The following MYRIP variants were observed in gnomAD, a reference collection of about 807,000 sequenced individuals.
The protein encoded by MYRIP is rab effector MyRIP.
A neutral mutation model predicts 98.0 loss-of-function variants in MYRIP; 49 were observed. The observed-to-expected ratio is 0.50, with a 90% CI of 0.40 to 0.63. The LOEUF (loss-of-function observed/expected upper bound fraction) is 0.63. MYRIP is among the 30% of genes least tolerant of loss of function. The pLI, the probability that MYRIP is intolerant of heterozygous loss-of-function variation, is 0.00. For missense variants in MYRIP, 1,004 were observed against 1,058.2 expected, an observed-to-expected ratio of 0.95 and a Z score of 0.71; for synonymous variants, 404 against 409.5, an observed-to-expected ratio of 0.99 and a Z score of 0.16.
intron 2 of MYRIP, among the ~76,000 whole-genome samples, chr3:39,937,710 G>C (rs2125706202): frequency 6.6e-6 from 1 of 152,290 alleles, no homozygotes; most frequent in East Asian, 1.9e-4. Context: ...CTAATGACAG[G>C]TTAACTGCTA....
At position 40,218,605 on chromosome 3, in the gene MYRIP, ATATATTT is replaced by A. The variant is rs1350344344; in HGVS notation, c.1905+8518_1905+8524del. Among the ~76,000 whole-genome samples the A allele has an allele frequency of 0.019, 69 of 3,562 alleles. 1 individual carries two copies. In the South Asian group the frequency reaches 0.31, roughly 16 times the overall value. The allele number at this position is 3,562 out of a possible 152,430, so 2.3% of individuals were successfully genotyped here. ...TACACACACACACACACACATATAT[ATATATTT>A]TATATATATATATATATATATATAT... is the stretch of plus-strand genomic sequence containing the variant. On this transcript the variant is annotated intron_variant, in intron 11 of 16. Transcript: ENST00000302541.
At chr3:39,921,978 A>G (rs1575381445) in intron 2 of MYRIP, among the ~76,000 whole-genome samples, 1 of 151,770 alleles carries the variant, frequency 6.6e-6, no homozygotes, top group Non-Finnish European at 1.5e-5. Context: ...CTCATTAAGT[A>G]TAACTAAAAA....
At chr3:39,884,762 C>T (rs1020976054) in intron 1 of MYRIP, among the ~76,000 whole-genome samples, 2 of 150,402 alleles carry the variant, frequency 1.3e-5, no homozygotes, top group African/African-American at 4.9e-5. Context: ...CCTTTTTTTC[C>T]TTAACAGCCA....
intron 3 of MYRIP, among the ~76,000 whole-genome samples, chr3:40,046,780 C>T (rs566856419): frequency 2.6e-5 from 4 of 151,924 alleles, no homozygotes; most frequent in East Asian, 1.9e-4. Flanking sequence ...AAACCCTAGC[C>T]GTTATTAAAG....
chr3:39,828,449 AATT>A (rs1375385587), intron 1 of MYRIP, among the ~76,000 whole-genome samples: 1 of 151,536 alleles, frequency 6.6e-6, no homozygotes, highest in Admixed American at 6.6e-5. Flanking sequence ...TATGATTTTG[AATT>A]ATTTCTGGCA....
At position 39,848,865 on chromosome 3, in the gene MYRIP, T is replaced by TTTTAA. The variant is rs535469424; in HGVS notation, c.-31+38951_-31+38955dup. ...CCACGAGAGAGGGAAACATTGTGAGTTTTAATAATTTATATCTCTGTGGTA... is the reference window on the plus strand; with the variant it reads ...CCACGAGAGAGGGAAACATTGTGAGTTTTAATTTAATAATTTATATCTCTGTGGTA... On this transcript the variant is annotated intron_variant, in intron 1 of 16. Coordinates refer to ENST00000302541, the MANE Select transcript of MYRIP (RefSeq NM_015460.4). Among the ~76,000 whole-genome samples, 1,023 of 152,200 alleles carry TTTTAA rather than the reference T, an allele frequency of 6.7e-3. 3 individuals are homozygous for TTTTAA. The highest frequency in any genetic ancestry group is 0.011 in the Admixed American group (172 of 15,288).
chr3:39,858,856 A>G (rs562950791), intron 1 of MYRIP, among the ~76,000 whole-genome samples: 1 of 152,262 alleles, frequency 6.6e-6, no homozygotes, highest in Non-Finnish European at 1.5e-5. Flanking sequence ...TGGAAACACC[A>G]TAAACCAAAA....
chr3:39,979,276 A>G (rs1945825580), intron 2 of MYRIP, among the ~76,000 whole-genome samples: 1 of 152,136 alleles, frequency 6.6e-6, no homozygotes, highest in South Asian at 2.1e-4. Flanking sequence ...ATGTGCCACT[A>G]TGCTTAGCTT....
chr3:39,987,955 A>G (rs557929425), intron 2 of MYRIP, among the ~76,000 whole-genome samples: 45 of 152,364 alleles, frequency 3.0e-4, no homozygotes, highest in African/African-American at 9.9e-4. Context: ...TGTGGCACAT[A>G]TACACCATGG....
chr3:39,870,262 G>A (rs1942746262), intron 1 of MYRIP, among the ~76,000 whole-genome samples: 1 of 152,216 alleles, frequency 6.6e-6, no homozygotes. Flanking sequence ...GAGGGAAGAA[G>A]GAGAGACCTG....
chr3:39,903,185 A>G (rs1408326656), intron 2 of MYRIP, among the ~76,000 whole-genome samples: 1 of 152,234 alleles, frequency 6.6e-6, no homozygotes. Flanking sequence ...TAAAAAGATT[A>G]TGACACTGCA....
chr3:40,031,118 A>C (rs13069285), intron 2 of MYRIP, among the ~76,000 whole-genome samples: 42,342 of 151,984 alleles, frequency 0.28, 6,600 homozygotes, highest in Non-Finnish European at 0.36. Context: ...ACAGTTTTGG[A>C]GACTGGGAGG....
intron 2 of MYRIP, among the ~76,000 whole-genome samples, chr3:40,041,022 GAA>G: frequency 0.028 from 1,148 of 41,212 alleles, 19 homozygotes; most frequent in African/African-American, 0.091. Flanking sequence ...ATTACCAGCA[GAA>G]AAAAAAAAAA....
chr3:39,931,981 T>C (rs1439705890), intron 2 of MYRIP, among the ~76,000 whole-genome samples: 18 of 152,212 alleles, frequency 1.2e-4, no homozygotes. Flanking sequence ...GTGATATCTT[T>C]ATCTGGTTTT....
At chr3:40,024,129 G>C (rs1451409383) in intron 2 of MYRIP, among the ~76,000 whole-genome samples, 1 of 152,138 alleles carries the variant, frequency 6.6e-6, no homozygotes, top group Middle Eastern at 3.2e-3. Flanking sequence ...TCCTCTACTT[G>C]TATATGAAAC....
intron 3 of MYRIP, among the ~76,000 whole-genome samples, chr3:40,076,313 A>G (rs981236522): frequency 2.0e-5 from 3 of 152,214 alleles, no homozygotes; most frequent in Admixed American, 1.3e-4. Context: ...GTTGGCCAGT[A>G]TGTATATGTT....
rs572347208 is a variant in MYRIP, at chr3:40,166,518, C to T, written c.551-328C>T. On this transcript the variant is annotated intron_variant, in intron 5 of 16. Transcript: ENST00000302541. ...AGCCAAGGGCGGGGCTGAAGGGATC[C>T]GAGAAGATTTGTTAGAGGAGGAATT... 4.0e-5 allele frequency among the ~76,000 whole-genome samples: 6 copies of T among 148,886 alleles called. No homozygotes were observed. The East Asian group carries it at 7.9e-4, about 20-fold the overall frequency.
chr3:40,002,534 TAA>T (rs1361531505), intron 2 of MYRIP, among the ~76,000 whole-genome samples: 8 of 139,154 alleles, frequency 5.7e-5, no homozygotes, highest in South Asian at 2.3e-4. Flanking sequence ...AGACTCTGTC[TAA>T]AAAAAAAAAA....
At chr3:40,176,225 A>G (rs73067649) in intron 8 of MYRIP, among the ~76,000 whole-genome samples, 22,240 of 152,220 alleles carry the variant, frequency 0.15, 1,955 homozygotes, top group East Asian at 0.39. Flanking sequence ...ACTGTTCAGT[A>G]TGGTGGCCGT....
Sources: gnomAD v4.1 joint callset for allele counts (sites outside exome capture counted in the v4.1 genomes callset) on GRCh38, gnomAD v4.1.1 for gene constraint, MANE v1.5 for transcripts, NCBI Gene and HGNC (gene_info 2026-07-23, HGNC 2026-07-21) for gene names.